The following PDXDC1 variants were observed in gnomAD, a reference collection of about 807,000 sequenced individuals.
PDXDC1 encodes pyridoxal dependent decarboxylase domain containing 1, also known as pyridoxal-dependent decarboxylase domain-containing protein 1.
In PDXDC1, 42 loss-of-function variants were observed where a neutral mutation model predicts 100.1. The ratio of observed to expected loss-of-function variants is 0.42; its 90% CI spans 0.33 to 0.54. PDXDC1 has a LOEUF of 0.54. Ranked by LOEUF, PDXDC1 falls within the 20% of genes least tolerant of loss-of-function variation. The probability of loss-of-function intolerance (pLI) is 0.10; values close to 1 mark genes in which losing one functional copy is unlikely to be tolerated. For missense variants in PDXDC1, 636 were observed against 979.2 expected (o/e 0.65, Z 4.68); for synonymous variants, 260 against 371.7 (o/e 0.70, Z 3.46).
chr16:14,984,765 T>G (rs1968935264), intron 1 of PDXDC1, among the ~76,000 whole-genome samples: 1 of 151,814 alleles, frequency 6.6e-6, no homozygotes, highest in East Asian at 2.1e-4. Flanking sequence ...GTGCCAGAAT[T>G]ACAGGCATGA....
At chr16:15,093,394 C>T (rs1471410438) in intron 16 of PDXDC1, among the ~76,000 whole-genome samples, 3 of 152,166 alleles carry the variant, frequency 2.0e-5, no homozygotes, top group Non-Finnish European at 4.4e-5. Context: ...CTTCTCCCTC[C>T]CCCATTACCT....
At chr16:14,999,239 G>C (rs1317567194) in intron 3 of PDXDC1, among the ~76,000 whole-genome samples, 2 of 152,268 alleles carry the variant, frequency 1.3e-5, no homozygotes, top group Non-Finnish European at 2.9e-5. Context: ...GCTAATTTTT[G>C]TATTTTTAGT....
intron 11 of PDXDC1, among the ~76,000 whole-genome samples, chr16:15,017,868 C>T (rs2041910945): frequency 1.3e-5 from 2 of 151,978 alleles, no homozygotes; most frequent in South Asian, 4.1e-4. Context: ...GATCTTGGCT[C>T]ACTGCAACCT....
intron 16 of PDXDC1, among the ~76,000 whole-genome samples, chr16:15,124,969 A>T (rs1201249272): frequency 2.0e-5 from 3 of 150,810 alleles, no homozygotes; most frequent in Admixed American, 1.3e-4. Flanking sequence ...CAACATGCTG[A>T]AACCCCGTCT....
intron 16 of PDXDC1, among the ~76,000 whole-genome samples, chr16:15,064,373 C>T (rs2044863351): frequency 6.6e-6 from 1 of 152,150 alleles, no homozygotes; most frequent in Admixed American, 6.5e-5. Context: ...CAGCGTTTCA[C>T]CATCTTGGCT....
intron 16 of PDXDC1, among the ~76,000 whole-genome samples, chr16:15,077,362 G>C (rs1242905303): frequency 1.3e-5 from 2 of 152,060 alleles, no homozygotes; most frequent in Admixed American, 1.3e-4. Context: ...TTGAATCATA[G>C]GGTAGGTTTC....
rs2046545322 is a variant in PDXDC1, at chr16:15,101,447, G to C, written c.1400-37432G>C. 2.0e-5 allele frequency among the ~76,000 whole-genome samples: 3 copies of C among 152,170 alleles called. No individual in the cohort carries two copies. In the South Asian group the frequency reaches 6.2e-4, roughly 32 times the overall value. ...TTGTCGTGCCTCAGCCTCCCAAGTAGCTGGAATTACAGGTGTGCACTACCA... is the reference window on the plus strand; with the variant it reads ...TTGTCGTGCCTCAGCCTCCCAAGTACCTGGAATTACAGGTGTGCACTACCA... On this transcript the variant is annotated intron_variant, in intron 16 of 16. Transcript: ENST00000535621.
At chr16:15,043,623 G>T (rs1010881710) in intron 16 of PDXDC1, among the ~76,000 whole-genome samples, 1 of 136,700 alleles carries the variant, frequency 7.3e-6, no homozygotes, top group African/African-American at 2.5e-5. Context: ...GTCAACACAC[G>T]ACAATGTTTT....
intron 16 of PDXDC1, chr16:15,131,265 T>C (rs1260705874): frequency 1.9e-6 from 3 of 1,588,460 alleles, no homozygotes; most frequent in African/African-American, 1.3e-5. Flanking sequence ...TGGCGCGCTC[T>C]GAGGCCAGCC....
chr16:15,127,168 T>C lies in PDXDC1; in HGVS notation c.1400-11711T>C, dbSNP rs200764108. On this transcript the variant is annotated intron_variant, in intron 16 of 16. Transcript: ENST00000535621. ...TACTGAGATTTTCTTCTGGAGTGCA[T>C]TTCGGAAGCGTGCACAGCCGCGTGC... The C allele has an allele frequency of 1.0e-5, 4 of 381,398 alleles. No homozygotes were observed. In the East Asian group the frequency reaches 2.6e-4, roughly 24 times the overall value. 23.6% of individuals were successfully genotyped at this position (381,398 alleles called of 1,614,324 possible). A position where few individuals can be genotyped will look rare whatever the true frequency, so the allele number is the denominator to read the frequency against.
At chr16:15,095,618 G>A (rs1342322300) in intron 16 of PDXDC1, among the ~76,000 whole-genome samples, 1 of 152,178 alleles carries the variant, frequency 6.6e-6, no homozygotes, top group Non-Finnish European at 1.5e-5. Context: ...TTGGGAGGCC[G>A]AGGCAAGTGG....
At chr16:15,100,374 T>C (rs952175378) in intron 16 of PDXDC1, among the ~76,000 whole-genome samples, 14 of 152,332 alleles carry the variant, frequency 9.2e-5, no homozygotes, top group Middle Eastern at 3.4e-3. Context: ...TGTATACACA[T>C]ATATGTGTAT....
intron 16 of PDXDC1, chr16:15,133,273 G>A: frequency 6.3e-7 from 1 of 1,582,044 alleles, no homozygotes. Flanking sequence ...CCTCGTTCAG[G>A]ACGGTGACCA....
chr16:15,094,672 C>A, intron 16 of PDXDC1: 1 of 240,384 alleles, frequency 4.2e-6, no homozygotes. Flanking sequence ...GGAGCCTGGG[C>A]TCTATACTCA....
intron 1 of PDXDC1, among the ~76,000 whole-genome samples, chr16:14,988,008 T>G (rs1352657077): frequency 1.3e-5 from 2 of 152,188 alleles, no homozygotes; most frequent in Non-Finnish European, 2.9e-5. Flanking sequence ...TTTTTTTTTT[T>G]TTTGCCATAC....
intron 6 of PDXDC1, among the ~76,000 whole-genome samples, chr16:15,007,926 C>T (rs1440832575): frequency 6.6e-6 from 1 of 152,270 alleles, no homozygotes; most frequent in Non-Finnish European, 1.5e-5. Flanking sequence ...TGTGTGTATC[C>T]TTTATACCTA....
At position 15,089,841 on chromosome 16, in the gene PDXDC1, C is replaced by A. The variant is rs1315280180; in HGVS notation, c.1400-49038C>A. ...TTAAAGGATCAGGAGACAGGAGGAT[C>A]AGAAACGCTGAAGTTTTAAGAAGTG... On this transcript the variant is annotated intron_variant, in intron 16 of 16. Coordinates refer to the PDXDC1 transcript ENST00000535621. 8.6e-5 allele frequency among the ~76,000 whole-genome samples: 12 copies of A among 139,622 alleles called. No individual in the cohort carries two copies. The Admixed American group carries it at 8.9e-4, about 10-fold the overall frequency. 91.6% of individuals were successfully genotyped at this position (139,622 alleles called of 152,430 possible).
At chr16:15,010,181 G>T in intron 8 of PDXDC1, 1 of 187,022 alleles carries the variant, frequency 5.3e-6, no homozygotes, top group Non-Finnish European at 1.1e-5. Flanking sequence ...TGAATTGCTG[G>T]GATTACAGGT....
intron 16 of PDXDC1, among the ~76,000 whole-genome samples, chr16:15,088,453 G>A (rs1172799256): frequency 3.9e-5 from 6 of 152,110 alleles, no homozygotes; most frequent in East Asian, 3.9e-4. Context: ...GGGTGACAGA[G>A]CAAGACCCTG....
Sources: gnomAD v4.1 joint callset for allele counts (sites outside exome capture counted in the v4.1 genomes callset) on GRCh38, gnomAD v4.1.1 for gene constraint, MANE v1.5 for transcripts, NCBI Gene and HGNC (gene_info 2026-07-23, HGNC 2026-07-21) for gene names.